The following ECHDC1 variants were observed in gnomAD, a reference collection of about 807,000 sequenced individuals.
ECHDC1 encodes the protein ethylmalonyl-CoA decarboxylase 1.
In ECHDC1, 29 loss-of-function variants were observed where a neutral mutation model predicts 29.7. That is an observed-to-expected ratio of 0.98 (90% CI 0.73 to 1.33). The LOEUF is 1.33. Ranked by LOEUF, ECHDC1 falls within the 40% of genes most tolerant of loss-of-function variation. The probability of loss-of-function intolerance (pLI) is 0.00; values close to 1 mark genes in which losing one functional copy is unlikely to be tolerated. For missense variants in ECHDC1, 328 were observed against 350.0 expected (o/e 0.94, Z 0.50); for synonymous variants, 126 against 123.1 (o/e 1.02, Z -0.15).
At chr6:127,291,144 T>C (rs1780137905) in intron 5 of ECHDC1, among the ~76,000 whole-genome samples, 1 of 151,962 alleles carries the variant, frequency 6.6e-6, no homozygotes. Flanking sequence ...AGTAAGGAGT[T>C]CGGATTTTAT....
intron 3 of ECHDC1, among the ~76,000 whole-genome samples, chr6:127,324,654 G>T (rs918427864): frequency 6.6e-6 from 1 of 152,234 alleles, no homozygotes; most frequent in Admixed American, 6.5e-5. Flanking sequence ...GAAAATACAA[G>T]ATTAACTTGG....
chr6:127,294,494 A>G (rs1222991095), intron 5 of ECHDC1: 2 of 152,186 alleles, frequency 1.3e-5, no homozygotes, highest in Non-Finnish European at 2.9e-5. Flanking sequence ...AATTCTCCCT[A>G]TAATCTCACC....
Position 127,331,023 on chromosome 6 carries a change from C to T in ECHDC1, c.6G>A (p.Ala2=), listed in dbSNP as rs201511843. ...GAGAGGCTGTCTTCAAAAGACTTTT[C>T]GCCATTTCTGGAAAACAGAAATAAG... M[A]KSLLKTASLS... is the part of the protein sequence containing the mutation. The change falls in exon 2 of 6, where the codon GCG becomes GCA. Residue 2 remains alanine, a synonymous_variant. Coordinates refer to ENST00000454859, the MANE Select transcript of ECHDC1 (RefSeq NM_001002030.2). The T allele has an allele frequency of 4.6e-5, 74 of 1,612,296 alleles. No homozygotes were observed. Among genetic ancestry groups the T allele is most frequent in the Non-Finnish European group, 6.0e-5 (71 of 1,179,960 alleles).
intron 1 of ECHDC1, among the ~76,000 whole-genome samples, chr6:127,339,482 A>T (rs948356264): frequency 6.6e-6 from 1 of 151,946 alleles, no homozygotes; most frequent in Non-Finnish European, 1.5e-5. Flanking sequence ...GAAAAAAAGA[A>T]CTATTTCAGG....
chr6:127,318,750 G>T (rs1782598638), intron 3 of ECHDC1, among the ~76,000 whole-genome samples: 1 of 152,132 alleles, frequency 6.6e-6, no homozygotes, highest in African/African-American at 2.4e-5. Context: ...AGTGTTTGTT[G>T]AACTTAAAAA....
intron 5 of ECHDC1, among the ~76,000 whole-genome samples, chr6:127,310,814 C>G (rs1027296134): frequency 6.6e-6 from 1 of 152,070 alleles, no homozygotes; most frequent in African/African-American, 2.4e-5. Flanking sequence ...GGTTAACAAA[C>G]TTTTGTTGTC....
Position 127,289,789 on chromosome 6 carries a change from G to A in ECHDC1, c.*80C>T, listed in dbSNP as rs913036051. 3.0e-6 allele frequency: 4 copies of A among 1,345,860 alleles called. No homozygotes were observed. The highest frequency in any genetic ancestry group is 2.0e-6 in the Non-Finnish European group (2 of 993,140). The allele number at this position is 1,345,860 out of a possible 1,614,324, so 83.4% of individuals were successfully genotyped here. ...TAGTAGCCTTCAAAGTAATTCTGAT[G>A]TTCATATTTAATATCATTTAACATT... On this transcript the variant is annotated 3_prime_UTR_variant, in exon 6 of 6. Transcript: ENST00000454859.
chr6:127,302,969 A>C (rs1306988725), intron 5 of ECHDC1, among the ~76,000 whole-genome samples: 1 of 152,082 alleles, frequency 6.6e-6, no homozygotes, highest in African/African-American at 2.4e-5. Context: ...ACTTTTTTTT[A>C]TTGTGCATAA....
At chr6:127,340,059 A>G (rs1273002425) in intron 1 of ECHDC1, among the ~76,000 whole-genome samples, 1 of 152,210 alleles carries the variant, frequency 6.6e-6, no homozygotes, top group East Asian at 1.9e-4. Flanking sequence ...CATAATCTCT[A>G]TTGGATCACT....
At chr6:127,292,934 TCTAA>T (rs1487000540) in intron 5 of ECHDC1, among the ~76,000 whole-genome samples, 5 of 152,248 alleles carry the variant, frequency 3.3e-5, no homozygotes, top group Admixed American at 2.0e-4. Flanking sequence ...ATAAGTGTCT[TCTAA>T]CTGTTTAATA....
At chr6:127,331,789 C>T in intron 1 of ECHDC1, 1 of 976,584 alleles carries the variant, frequency 1.0e-6, no homozygotes, top group Non-Finnish European at 1.2e-6. Flanking sequence ...AAGAGCAATC[C>T]CACTCTCTAA....
intron 5 of ECHDC1, among the ~76,000 whole-genome samples, chr6:127,296,692 C>T (rs1204429482): frequency 6.6e-6 from 1 of 152,078 alleles, no homozygotes; most frequent in Non-Finnish European, 1.5e-5. Context: ...GTCCTTAAGA[C>T]ATATGAAACT....
chr6:127,327,234 C>T, intron 2 of ECHDC1, 90 bp from the exon 3 acceptor site: 1 of 1,378,010 alleles, frequency 7.3e-7, no homozygotes, highest in African/African-American at 1.5e-5. Flanking sequence ...CAAGCATACT[C>T]TTAGGTCCTA....
chr6:127,292,505 G>T (rs905352752), intron 5 of ECHDC1, among the ~76,000 whole-genome samples: 3 of 151,882 alleles, frequency 2.0e-5, no homozygotes, highest in Non-Finnish European at 4.4e-5. Flanking sequence ...GTGTGCTTAT[G>T]TACTGATATA....
chr6:127,325,943 T>C (rs1783287898), intron 3 of ECHDC1, among the ~76,000 whole-genome samples: 1 of 152,024 alleles, frequency 6.6e-6, no homozygotes, highest in South Asian at 2.1e-4. Context: ...CCTCAAGCAA[T>C]CCTCCCATCT....
intron 5 of ECHDC1, among the ~76,000 whole-genome samples, chr6:127,311,549 C>T (rs1470794168): frequency 4.6e-5 from 7 of 151,272 alleles, no homozygotes; most frequent in East Asian, 3.9e-4. Context: ...GTGGCAGGCG[C>T]CTGTAATCGC....
chr6:127,320,781 T>G (rs1345642949), intron 3 of ECHDC1, among the ~76,000 whole-genome samples: 1 of 152,194 alleles, frequency 6.6e-6, no homozygotes, highest in Non-Finnish European at 1.5e-5. Flanking sequence ...TCTCCTGGCC[T>G]CTACCATCTG....
chr6:127,303,798 G>A (rs1356284258), intron 5 of ECHDC1, among the ~76,000 whole-genome samples: 1 of 152,184 alleles, frequency 6.6e-6, no homozygotes, highest in Non-Finnish European at 1.5e-5. Flanking sequence ...TGGCCATGGG[G>A]CGACACTCCT....
chr6:127,339,709 A>ATTGCAGTT (rs200716837), intron 1 of ECHDC1, among the ~76,000 whole-genome samples: 2,400 of 151,470 alleles, frequency 0.016, 43 homozygotes, highest in Middle Eastern at 0.054. Flanking sequence ...GGAAACGGAA[A>ATTGCAGTT]TTGCAGTGAG....
Sources: gnomAD v4.1 joint callset for allele counts (sites outside exome capture counted in the v4.1 genomes callset) on GRCh38, gnomAD v4.1.1 for gene constraint, MANE v1.5 for transcripts, NCBI Gene and HGNC (gene_info 2026-07-23, HGNC 2026-07-21) for gene names.